Variants in LY75 observed in about 807,000 individuals in gnomAD.
LY75 encodes C-type lectin domain family 13 member B.
LY75 carries 185 observed loss-of-function variants against 231.7 expected under a neutral mutation model. The ratio of observed to expected loss-of-function variants is 0.80; its 90% CI spans 0.71 to 0.90. The LOEUF (loss-of-function observed/expected upper bound fraction) is 0.90. LY75 is among the 40% of genes least tolerant of loss of function. LY75 has a pLI of 0.00. For missense variants in LY75, 1,947 were observed against 2,050.2 expected (o/e 0.95, Z 0.97); for synonymous variants, 668 against 689.0 (o/e 0.97, Z 0.48).
intron 21 of LY75, 75 bp from the exon 22 acceptor site, chr2:159,850,542 C>T: frequency 1.9e-6 from 3 of 1,577,630 alleles, no homozygotes; most frequent in Non-Finnish European, 2.6e-6. Context: ...AATGCTTCAT[C>T]TTTTAGAGGG....
At chr2:159,874,236 T>C (rs1685125060) in intron 12 of LY75, among the ~76,000 whole-genome samples, 1 of 35,310 alleles carries the variant, frequency 2.8e-5, no homozygotes, top group Non-Finnish European at 1.2e-4. Context: ...ATATTGTAAA[T>C]ATATATATTG....
intron 21 of LY75, 121 bp downstream of exon 21, chr2:159,852,080 T>A: frequency 7.3e-7 from 1 of 1,378,348 alleles, no homozygotes; most frequent in Non-Finnish European, 9.6e-7. Flanking sequence ...CCAGGTGGGA[T>A]CCTGAAACAT....
Position 159,904,522 on chromosome 2 carries a change from T to C in LY75, c.94+67A>G, listed in dbSNP as rs1686180187. 8.3e-6 allele frequency: 12 copies of C among 1,443,154 alleles called. No individual in the cohort carries two copies. The South Asian group carries it at 1.6e-4, about 19-fold the overall frequency. The allele number at this position is 1,443,154 out of a possible 1,614,324, so 89.4% of individuals were successfully genotyped here. ...CCAGGGGCGCAGCCCTGCCCCAGGCTGGAAGGCAGCAGAGCTGTGGCGTCG... is the reference window on the plus strand; with the variant it reads ...CCAGGGGCGCAGCCCTGCCCCAGGCCGGAAGGCAGCAGAGCTGTGGCGTCG... On this transcript the variant is annotated intron_variant, in intron 1 of 34. Coordinates refer to ENST00000263636, the MANE Select transcript of LY75 (RefSeq NM_002349.4).
intron 28 of LY75, among the ~76,000 whole-genome samples, chr2:159,822,099 G>A (rs1166821760): frequency 6.6e-6 from 1 of 152,194 alleles, no homozygotes; most frequent in Non-Finnish European, 1.5e-5. Context: ...ACAAAACTGG[G>A]CAGCCATTTG....
Position 159,810,574 on chromosome 2 carries a change from G to A in LY75, c.4651C>T (p.Gln1551Ter). 6.2e-7 allele frequency: 1 copy of A among 1,614,100 alleles called. No individual in the cohort carries two copies. The highest frequency in any genetic ancestry group is 1.1e-5 in the South Asian group (1 of 91,072). ...GCCTCTGAAAAACTGTGCAATGCCTGATCAGACTTGTAACAGTGACCCTTG... is the reference window on the plus strand; with the variant it reads ...GCCTCTGAAAAACTGTGCAATGCCTAATCAGACTTGTAACAGTGACCCTTG... ...QYKGHCYKSD[Q>*]ALHSFSEAKK... The change falls in exon 32 of 35, where the codon CAG (glutamine) becomes TAG (stop). Residue 1551 changes from glutamine (Q) to a stop codon, truncating the protein, a stop_gained. Transcript: ENST00000263636. LOFTEE classifies it high-confidence loss of function.
chr2:159,879,324 C>T lies in LY75; in HGVS notation c.1450G>A (p.Val484Ile), dbSNP rs569081540. The change falls in exon 9 of 35, where the codon GTA becomes ATA. Residue 484 changes from valine (V) to isoleucine (I), a missense_variant. By Grantham distance (29) the Val-to-Ile change is conservative. Transcript: ENST00000263636. ...AGTTTTTCTCCCTTTCTCTTGCATA[C>T]ATATTTTAGTTTCTCCTCACATGAT... ...VQSCEEKLKY[V>I]CKRKGEKLND... 5.6e-6 allele frequency: 9 copies of T among 1,613,826 alleles called. No homozygotes were observed. The East Asian group carries it at 1.1e-4, about 20-fold the overall frequency.
At chr2:159,898,659 AT>A (rs768519933) in intron 2 of LY75, 28 bp downstream of exon 2, 13 of 1,582,740 alleles carry the variant, frequency 8.2e-6, no homozygotes, top group Non-Finnish European at 1.0e-5. Flanking sequence ...ACAACAGCAA[AT>A]CGGTCAAAGT....
intron 1 of LY75, chr2:159,903,628 C>A (rs945244500): frequency 2.0e-5 from 3 of 152,200 alleles, no homozygotes; most frequent in African/African-American, 7.2e-5. Flanking sequence ...TAAGAGCCAC[C>A]AACAATTTAA....
In LY75 at chr2:159,854,465, G is replaced by A. The variant is rs1339049828; in HGVS notation, c.2490C>T (p.His830=). 1 of 1,613,566 alleles carries A rather than the reference G, an allele frequency of 6.2e-7. No homozygotes were observed. Among genetic ancestry groups the A allele is most frequent in the South Asian group, 1.1e-5 (1 of 91,026 alleles). Residue 830 remains histidine (H), a synonymous_variant, in exon 18 of 35, where the codon CAC becomes CAT. Transcript: ENST00000263636. ...GSEYWFVADL[H]LNYEEAVLYC... ...ACAGGACGGCTTCTTCATAGTTTAG[G>A]TGAAGATCAGCAACAAACCAATATT...
At chr2:159,814,552 G>C (rs1205056789) in intron 31 of LY75, among the ~76,000 whole-genome samples, 1 of 151,698 alleles carries the variant, frequency 6.6e-6, no homozygotes, top group African/African-American at 2.4e-5. Context: ...CTACTCAGGA[G>C]GCTGAGTTGG....
intron 2 of LY75, among the ~76,000 whole-genome samples, chr2:159,897,622 G>C (rs72957578): frequency 0.42 from 63,433 of 151,944 alleles, 15,717 homozygotes; most frequent in Non-Finnish European, 0.56. Context: ...AGCTGCTATA[G>C]TGACTTTGAG....
chr2:159,877,760 T>C (rs1685319970), intron 11 of LY75, among the ~76,000 whole-genome samples: 1 of 151,980 alleles, frequency 6.6e-6, no homozygotes, highest in African/African-American at 2.4e-5. Context: ...TCCCAGCTAC[T>C]TGGGAGGCTG....
At chr2:159,846,936 G>T (rs187291068) in intron 23 of LY75, among the ~76,000 whole-genome samples, 1 of 152,134 alleles carries the variant, frequency 6.6e-6, no homozygotes, top group Non-Finnish European at 1.5e-5. Context: ...ATGAAAATAC[G>T]ATATCAAACT....
intron 33 of LY75, chr2:159,808,032 G>A: frequency 2.1e-6 from 2 of 938,374 alleles, no homozygotes; most frequent in Non-Finnish European, 2.5e-6. Flanking sequence ...TTAGAGAGAA[G>A]GGAATAACAA....
At chr2:159,807,948 A>G (rs2114630) in intron 33 of LY75, 884,668 of 965,398 alleles carry the variant, frequency 0.92, 405,706 homozygotes, top group African/African-American at 0.96. Context: ...AATTACTTTC[A>G]CACCAACCTA....
At position 159,815,292 on chromosome 2, in the gene LY75, C is replaced by T. The variant is rs181001973; in HGVS notation, c.4549+113G>A. ...CTGGGATTACAGGCGCGAGCCACTG[C>T]GCCCGGCCCTTGTGAATAAATCTTT... On this transcript the variant is annotated intron_variant, in intron 31 of 34. Transcript: ENST00000263636. 20 of 1,361,796 alleles carry T rather than the reference C, an allele frequency of 1.5e-5. No individual in the cohort carries two copies. The Admixed American group carries it at 1.8e-4, about 12-fold the overall frequency. The allele number at this position is 1,361,796 out of a possible 1,614,324, so 84.4% of individuals were successfully genotyped here.
At position 159,872,735 on chromosome 2, in the gene LY75, C is replaced by T. The variant is rs1685055307; in HGVS notation, c.1975-142G>A. ...GAAGGCATAGGTAAATGCACATATA[C>T]TGAGACACAGACAGGTCCTGCTGAA... On this transcript the variant is annotated intron_variant, in intron 12 of 34. Coordinates refer to ENST00000263636, the MANE Select transcript of LY75 (RefSeq NM_002349.4). 4.6e-6 allele frequency: 4 copies of T among 875,456 alleles called. No individual in the cohort carries two copies. The South Asian group carries it at 7.2e-5, about 16-fold the overall frequency. The allele number at this position is 875,456 out of a possible 1,614,324, so 54.2% of individuals were successfully genotyped here. A position where few individuals can be genotyped will look rare whatever the true frequency, so the allele number is the denominator to read the frequency against.
intron 12 of LY75, among the ~76,000 whole-genome samples, chr2:159,874,821 AATATATATATTTTGTAAATATATGTAAAT>A (rs1560094231): frequency 5.6e-4 from 48 of 85,530 alleles, no homozygotes; most frequent in Middle Eastern, 0.026. Flanking sequence ...AATTTATGTA[AATATATATATTTTGTAAATATATGTAAAT>A]ATATATATAT....
intron 28 of LY75, among the ~76,000 whole-genome samples, chr2:159,823,399 A>C (rs919993743): frequency 1.3e-5 from 2 of 152,220 alleles, no homozygotes; most frequent in African/African-American, 4.8e-5. Context: ...CGATTAAAGA[A>C]AAAAGAATAA....
Sources: gnomAD v4.1 joint callset for allele counts (sites outside exome capture counted in the v4.1 genomes callset) on GRCh38, gnomAD v4.1.1 for gene constraint, MANE v1.5 for transcripts, NCBI Gene and HGNC (gene_info 2026-07-23, HGNC 2026-07-21) for gene names.